Variants in CX3CR1 observed in about 807,000 individuals in gnomAD.
CX3CR1 encodes CX3C chemokine receptor 1.
For synonymous variants in CX3CR1, 168 were observed against 178.5 expected, an observed-to-expected ratio of 0.94 and a Z score of 0.47; for missense variants, 363 against 432.4, an observed-to-expected ratio of 0.84 and a Z score of 1.42.
chr3:39,281,718 G>A (rs749897461), upstream of CX3CR1: 4 of 1,565,786 alleles, frequency 2.6e-6, no homozygotes, highest in South Asian at 4.5e-5. Flanking sequence ...CCACGGCCTG[G>A]TAAGCACGGC....
upstream of CX3CR1, among the ~76,000 whole-genome samples, chr3:39,281,956 A>T (rs998468675): frequency 2.0e-5 from 3 of 152,194 alleles, no homozygotes; most frequent in Non-Finnish European, 4.4e-5. Flanking sequence ...CTTGCCCCCA[A>T]GCCCCACAGA....
intron 1 of CX3CR1, among the ~76,000 whole-genome samples, chr3:39,277,659 C>A (rs749082852): frequency 6.6e-6 from 1 of 152,120 alleles, no homozygotes; most frequent in Non-Finnish European, 1.5e-5. Flanking sequence ...CTAGGGAGAA[C>A]CATACCTGAC....
rs2040680603 is a variant in CX3CR1, at chr3:39,265,358, TAAC to T, written c.*81_*83del. The T allele has an allele frequency of 3.5e-6, 5 of 1,422,876 alleles. No homozygotes were observed. Among genetic ancestry groups the T allele is most frequent in the East Asian group, 4.6e-5 (2 of 43,550 alleles). 88.1% of individuals were successfully genotyped at this position (1,422,876 alleles called of 1,614,324 possible). ...TCCATCATTTTGTGCCTGTAAGAAA[TAAC>T]AACAAAAATCTTTCCTCACTAGTCA... On this transcript the variant is annotated 3_prime_UTR_variant, in exon 2 of 2. Transcript: ENST00000399220.
intron 1 of CX3CR1, 85 bp downstream of exon 1, chr3:39,279,869 A>G (rs2125556969): frequency 1.9e-6 from 1 of 538,818 alleles, no homozygotes; most frequent in South Asian, 8.0e-5. Context: ...CATTGTCTGC[A>G]CGTAAGCAAA....
the CX3CR1 span, chr3:39,286,963 G>A: frequency 6.6e-6 from 1 of 152,216 alleles, no homozygotes; most frequent in South Asian, 2.1e-4. Flanking sequence ...TTTGGCTGCC[G>A]TTGTCAATGA....
chr3:39,291,129 T>A, the CX3CR1 span, among the ~76,000 whole-genome samples: 1 of 150,952 alleles, frequency 6.6e-6, no homozygotes, highest in African/African-American at 2.4e-5. Flanking sequence ...CAATCTCAGC[T>A]CACTGGAACC....
At chr3:39,266,585 G>C (rs1330807782) in intron 1 of CX3CR1, 67 bp from the exon 2 acceptor site, 1 of 1,495,062 alleles carries the variant, frequency 6.7e-7, no homozygotes, top group South Asian at 1.1e-5. Flanking sequence ...ATTCTGTGTG[G>C]CCTCATATGT....
intron 1 of CX3CR1, among the ~76,000 whole-genome samples, chr3:39,271,267 A>G (rs781353894): frequency 2.6e-5 from 4 of 152,208 alleles, no homozygotes; most frequent in Non-Finnish European, 5.9e-5. Context: ...ACAGCACCCT[A>G]TCAGTCACCC....
At position 39,269,841 on chromosome 3, in the gene CX3CR1, T is replaced by C. The variant is rs35712130; in HGVS notation, c.-9-3323A>G. Among the ~76,000 whole-genome samples, 162 of 152,338 alleles carry C rather than the reference T, an allele frequency of 1.1e-3. 1 individual carries two copies. The East Asian group carries it at 0.03, about 28-fold the overall frequency. On this transcript the variant is annotated intron_variant, in intron 1 of 1. Coordinates refer to ENST00000399220, the MANE Select transcript of CX3CR1 (RefSeq NM_001337.4). ...TGGGTGCTCACCCAGCATATCATGG[T>C]CCCTGCTATGAGCCATCTGGACCAT...
intron 1 of CX3CR1, among the ~76,000 whole-genome samples, chr3:39,269,554 C>A (rs1294806430): frequency 6.6e-6 from 1 of 152,188 alleles, no homozygotes; most frequent in Non-Finnish European, 1.5e-5. Flanking sequence ...AGATGGGATG[C>A]AAATTCAGAT....
chr3:39,265,600 G>T lies in CX3CR1; in HGVS notation c.910C>A (p.Leu304Ile). Residue 304 changes from leucine (L) to isoleucine (I), a missense_variant, in exon 2 of 2, where the codon CTT becomes ATT. By Grantham distance (5) the Leu-to-Ile change is conservative (BLOSUM62 2). Transcript: ENST00000399220. Reference protein sequence around the residue: ...AFAGEKFRRYLYHLYGKCLAV... With the variant: ...AFAGEKFRRYIYHLYGKCLAV... ...AGGCATTTCCCATACAGGTGGTAAAGGTATCTTCTGAACTTCTCCCCAGCA... is the reference window on the plus strand; with the variant it reads ...AGGCATTTCCCATACAGGTGGTAAATGTATCTTCTGAACTTCTCCCCAGCA... 1 of 1,614,190 alleles carries T rather than the reference G, an allele frequency of 6.2e-7. No individual in the cohort carries two copies. The highest frequency in any genetic ancestry group is 8.5e-7 in the Non-Finnish European group (1 of 1,180,036).
Position 39,265,842 on chromosome 3 carries a change from T to C in CX3CR1, c.668A>G (p.Asn223Ser), listed in dbSNP as rs749013292. Residue 223 changes from asparagine to serine, a missense_variant, in exon 2 of 2, where the codon AAC becomes AGC. Asn to Ser is a conservative substitution (Grantham distance 46). Coordinates refer to ENST00000399220, the MANE Select transcript of CX3CR1 (RefSeq NM_001337.4). Reference protein sequence around the residue: ...RIIQTLFSCKNHKKAKAIKLI... With the variant: ...RIIQTLFSCKSHKKAKAIKLI... ...TTTAATGGCTTTGGCTTTCTTGTGG[T>C]TCTTGCAGGAAAACAGCGTCTGGAT... 6.2e-6 allele frequency: 10 copies of C among 1,614,158 alleles called. No individual in the cohort carries two copies. The highest frequency in any genetic ancestry group is 7.6e-6 in the Non-Finnish European group (9 of 1,180,032).
chr3:39,286,628 G>T (rs1289986225), upstream of CX3CR1: 1 of 137,568 alleles, frequency 7.3e-6, no homozygotes, highest in Non-Finnish European at 1.5e-5. Flanking sequence ...TCCGCAGTCC[G>T]GCCTGGGCGA....
At chr3:39,286,875 C>T in the CX3CR1 span, 6 of 152,156 alleles carry the variant, frequency 3.9e-5, no homozygotes, top group African/African-American at 1.4e-4. Flanking sequence ...GTACAAGATG[C>T]AAACATAGCA....
chr3:39,285,303 C>T (rs903521588), upstream of CX3CR1, among the ~76,000 whole-genome samples: 17 of 151,958 alleles, frequency 1.1e-4, no homozygotes, highest in Admixed American at 8.5e-4. Context: ...TCACTTGAGC[C>T]CAGGATTCAA....
At chr3:39,281,624 C>T, upstream of CX3CR1, 1 of 1,599,386 alleles carries the variant, frequency 6.3e-7, no homozygotes, top group East Asian at 2.2e-5. Context: ...TGGCCATTCT[C>T]CACCCAGAAG....
upstream of CX3CR1, chr3:39,281,580 C>T (rs764402346): frequency 2.6e-5 from 41 of 1,583,276 alleles, no homozygotes; most frequent in African/African-American, 2.7e-4. Context: ...TAACCTTCTC[C>T]GTTCTCTGTC....
At chr3:39,283,798 TATATATATATATATATATA>T (rs2040925962), upstream of CX3CR1, among the ~76,000 whole-genome samples, 31 of 28,738 alleles carry the variant, frequency 1.1e-3, no homozygotes, top group African/African-American at 4.6e-3. Flanking sequence ...AAAAAAATTA[TATATATATATATATATATA>T]TATATATATA....
chr3:39,290,670 C>T, the CX3CR1 span, among the ~76,000 whole-genome samples: 2 of 152,070 alleles, frequency 1.3e-5, no homozygotes, highest in African/African-American at 2.4e-5. Flanking sequence ...ACCTGTAATC[C>T]CAGCACTTTG....
Sources: allele counts gnomAD v4.1 joint callset (sites outside exome capture counted in the v4.1 genomes callset), GRCh38; gene constraint gnomAD v4.1.1; transcripts MANE v1.5; gene names NCBI Gene and HGNC (gene_info 2026-07-23, HGNC 2026-07-21).